The following SGK3 variants were observed in gnomAD, a reference collection of about 807,000 sequenced individuals.
The protein encoded by SGK3 is serine/threonine-protein kinase Sgk3.
SGK3 carries 47 observed loss-of-function variants against 68.5 expected under a neutral mutation model. The ratio of observed to expected loss-of-function variants is 0.69; its 90% CI spans 0.54 to 0.87. The LOEUF (loss-of-function observed/expected upper bound fraction) is 0.87. Among genes scored for constraint, SGK3 ranks in the 40% least tolerant of loss-of-function variants. The pLI, the probability that SGK3 is intolerant of heterozygous loss-of-function variation, is 0.00. For missense variants in SGK3, 479 were observed against 575.5 expected, an observed-to-expected ratio of 0.83 and a Z score of 1.72; for synonymous variants, 181 against 189.1, an observed-to-expected ratio of 0.96 and a Z score of 0.35.
intron 6 of SGK3, among the ~76,000 whole-genome samples, chr8:66,827,468 GTATAAT>G (rs1809111233): frequency 6.7e-6 from 1 of 149,362 alleles, no homozygotes; most frequent in Non-Finnish European, 1.5e-5. Context: ...CTTATATGAA[GTATAAT>G]TATATATTAT....
intron 1 of SGK3, among the ~76,000 whole-genome samples, chr8:66,723,051 G>C (rs537271632): frequency 2.2e-4 from 26 of 117,314 alleles, no homozygotes; most frequent in African/African-American, 7.7e-4. Flanking sequence ...ACTATATCAG[G>C]TACCATTGTT....
chr8:66,784,171 G>A (rs1807105709), intron 1 of SGK3, among the ~76,000 whole-genome samples: 2 of 152,108 alleles, frequency 1.3e-5, no homozygotes, highest in Non-Finnish European at 2.9e-5. Context: ...AAAGTGCTGG[G>A]ATTACAGGTG....
intron 6 of SGK3, among the ~76,000 whole-genome samples, chr8:66,828,136 AAG>A (rs1177597808): frequency 6.6e-6 from 1 of 151,994 alleles, no homozygotes; most frequent in African/African-American, 2.4e-5. Flanking sequence ...AAAAAAAAAA[AAG>A]AAAGAAAGAA....
At chr8:66,835,708 TTTC>T in intron 8 of SGK3, 52 bp from the exon 9 acceptor site, 1 of 1,551,484 alleles carries the variant, frequency 6.4e-7, no homozygotes, top group Non-Finnish European at 8.7e-7. Context: ...AAGTGAATTA[TTTC>T]TATCAAAATT....
intron 1 of SGK3, among the ~76,000 whole-genome samples, chr8:66,755,368 G>C (rs191054831): frequency 2.5e-4 from 38 of 152,268 alleles, no homozygotes; most frequent in African/African-American, 8.7e-4. Context: ...ACCCCCTTGG[G>C]GATGTTAAGT....
At chr8:66,749,280 G>A (rs4613982) in intron 1 of SGK3, among the ~76,000 whole-genome samples, 18,832 of 152,046 alleles carry the variant, frequency 0.12, 2,287 homozygotes, top group African/African-American at 0.31. Context: ...TTGGGAGGCC[G>A]AGGCGGGCGG....
intron 1 of SGK3, among the ~76,000 whole-genome samples, chr8:66,745,368 G>A (rs1265554351): frequency 2.6e-5 from 4 of 151,916 alleles, no homozygotes; most frequent in Non-Finnish European, 5.9e-5. Context: ...TCAGGAGATC[G>A]AGACCATCCT....
intron 15 of SGK3, among the ~76,000 whole-genome samples, chr8:66,849,888 G>A (rs1810197164): frequency 6.6e-6 from 1 of 151,966 alleles, no homozygotes; most frequent in African/African-American, 2.4e-5. Flanking sequence ...CCAGGGTGGT[G>A]GTTTAAAAAA....
chr8:66,774,084 G>A (rs903208035), intron 1 of SGK3, among the ~76,000 whole-genome samples: 20 of 152,224 alleles, frequency 1.3e-4, no homozygotes, highest in Admixed American at 5.2e-4. Flanking sequence ...CCTATGAGTT[G>A]AGCCTGGCAG....
rs1204760410 is a variant in SGK3 at position 66,779,586 on chromosome 8, ATATATATATATATAT to A, written c.-121-14029_-121-14015del. ...AATATATATATATATATATATATAT[ATATATATATATATAT>A]AAAACACATTTTTTATATATATACG... is the stretch of plus-strand genomic sequence containing the variant. On this transcript the variant is annotated intron_variant, in intron 1 of 16. Coordinates refer to ENST00000521198, the MANE Select transcript of SGK3 (RefSeq NM_001033578.3). Among the ~76,000 whole-genome samples, 63 of 138,124 alleles carry A rather than the reference ATATATATATATATAT, an allele frequency of 4.6e-4. 1 individual carries two copies. Among genetic ancestry groups the A allele is most frequent in the African/African-American group, 1.6e-3 (60 of 38,532 alleles). 90.6% of individuals were successfully genotyped at this position (138,124 alleles called of 152,430 possible). A position where few individuals can be genotyped will look rare whatever the true frequency, so the allele number is the denominator to read the frequency against.
chr8:66,770,998 C>T (rs571606288), intron 1 of SGK3, among the ~76,000 whole-genome samples: 2 of 152,228 alleles, frequency 1.3e-5, no homozygotes, highest in South Asian at 2.1e-4. Context: ...CAGCCTGATA[C>T]CCAGTATCTT....
intron 1 of SGK3, among the ~76,000 whole-genome samples, chr8:66,760,069 T>G (rs1324252881): frequency 1.3e-5 from 2 of 152,148 alleles, no homozygotes; most frequent in African/African-American, 4.8e-5. Flanking sequence ...ATTTGGAAAA[T>G]ATTGGTTCAC....
intron 15 of SGK3, 136 bp from the exon 16 acceptor site, chr8:66,850,695 C>A: frequency 1.3e-6 from 1 of 783,086 alleles, no homozygotes; most frequent in Non-Finnish European, 2.0e-6. Flanking sequence ...CATTTTGCCA[C>A]ACAAATAACA....
chr8:66,850,744 A>G (rs1450441300), intron 15 of SGK3, 87 bp from the exon 16 acceptor site: 29 of 1,287,790 alleles, frequency 2.3e-5, no homozygotes, highest in Non-Finnish European at 3.1e-5. Flanking sequence ...GGGGCAAAAT[A>G]GTAATAGTTT....
chr8:66,803,399 G>A (rs1808025099), intron 3 of SGK3, among the ~76,000 whole-genome samples: 3 of 128,422 alleles, frequency 2.3e-5, no homozygotes, highest in South Asian at 2.3e-4. Context: ...GCGTAATCAC[G>A]GCACACTGCA....
At chr8:66,756,569 CTTT>C (rs34499404) in intron 1 of SGK3, among the ~76,000 whole-genome samples, 2,164 of 77,324 alleles carry the variant, frequency 0.028, 9 homozygotes, top group African/African-American at 0.038. Context: ...CATGCATCTA[CTTT>C]TTTTTTTTTT....
intron 1 of SGK3, among the ~76,000 whole-genome samples, chr8:66,736,304 T>G (rs1177651305): frequency 6.6e-6 from 1 of 152,170 alleles, no homozygotes; most frequent in Non-Finnish European, 1.5e-5. Flanking sequence ...ATAAATGTAG[T>G]ACAGCAATTA....
rs181695207 is a variant in SGK3 at position 66,768,828 on chromosome 8, T to C, written c.-121-24788T>C. Among the ~76,000 whole-genome samples, 444 of 152,290 alleles carry C rather than the reference T, an allele frequency of 2.9e-3. 3 individuals are homozygous for C. Among genetic ancestry groups the C allele is most frequent in the African/African-American group, 0.01 (432 of 41,566 alleles). On this transcript the variant is annotated intron_variant, in intron 1 of 16. Transcript: ENST00000521198. ...GATCTGCCCGTTGCCCTCCTCAGCC[T>C]CCTACAAGTGTTGAGATTACAGACA...
chr8:66,769,710 T>C (rs187879475), intron 1 of SGK3, among the ~76,000 whole-genome samples: 29 of 152,258 alleles, frequency 1.9e-4, no homozygotes, highest in African/African-American at 7.0e-4. Flanking sequence ...TCTACTTAAC[T>C]TTTTGAGTAT....
Sources: allele counts gnomAD v4.1 joint callset (sites outside exome capture counted in the v4.1 genomes callset), GRCh38; gene constraint gnomAD v4.1.1; transcripts MANE v1.5; gene names NCBI Gene and HGNC (gene_info 2026-07-23, HGNC 2026-07-21).